The following BARX2 variants were observed in gnomAD, a reference collection of about 807,000 sequenced individuals.
BARX2 encodes the protein BARX homeobox 2, also known as homeobox protein BarH-like 2.
A neutral mutation model predicts 25.5 loss-of-function variants in BARX2; 11 were observed. The ratio of observed to expected loss-of-function variants is 0.43; its 90% CI spans 0.27 to 0.71. The LOEUF (loss-of-function observed/expected upper bound fraction) is 0.71. BARX2 is among the 30% of genes least tolerant of loss of function. The pLI is 0.19. For missense variants in BARX2, 360 were observed against 359.9 expected, an observed-to-expected ratio of 1.00 and a Z score of 0.00; for synonymous variants, 137 against 149.5, an observed-to-expected ratio of 0.92 and a Z score of 0.61.
At position 129,445,923 on chromosome 11, in the gene BARX2, T is replaced by C. The variant is rs117232272; in HGVS notation, c.573+3004T>C. 3.4e-3 allele frequency among the ~76,000 whole-genome samples: 515 copies of C among 152,160 alleles called. 3 individuals carry two copies. Among genetic ancestry groups the C allele is most frequent in the Non-Finnish European group, 6.0e-3 (405 of 68,000 alleles). ...ACCAGGGAGGAAAAGAAAAAGATAATTGAGTAATAAAGATGTCTCAAGGCT... is the reference window on the plus strand; with the variant it reads ...ACCAGGGAGGAAAAGAAAAAGATAACTGAGTAATAAAGATGTCTCAAGGCT... On this transcript the variant is annotated intron_variant, in intron 3 of 3. Transcript: ENST00000281437.
chr11:129,425,237 C>A (rs754492035), intron 1 of BARX2, among the ~76,000 whole-genome samples: 2 of 152,166 alleles, frequency 1.3e-5, no homozygotes, highest in Non-Finnish European at 2.9e-5. Flanking sequence ...AAGAAGTTTT[C>A]AATCTCGTGA....
intron 3 of BARX2, among the ~76,000 whole-genome samples, chr11:129,444,651 T>C (rs1862302816): frequency 6.6e-6 from 1 of 152,170 alleles, no homozygotes; most frequent in African/African-American, 2.4e-5. Flanking sequence ...TACGGATTTA[T>C]AAGCCCATCG....
intron 1 of BARX2, among the ~76,000 whole-genome samples, chr11:129,427,028 A>G (rs1862071167): frequency 6.6e-6 from 1 of 152,212 alleles, no homozygotes; most frequent in Non-Finnish European, 1.5e-5. Flanking sequence ...GAATGCACAG[A>G]TGATAAGAAG....
chr11:129,447,380 A>G (rs1449052447), intron 3 of BARX2, among the ~76,000 whole-genome samples: 1 of 152,200 alleles, frequency 6.6e-6, no homozygotes, highest in Non-Finnish European at 1.5e-5. Context: ...CGAGAGGCAG[A>G]AGGAGGCATG....
At chr11:129,407,989 A>C (rs560440745) in intron 1 of BARX2, among the ~76,000 whole-genome samples, 12 of 142,506 alleles carry the variant, frequency 8.4e-5, no homozygotes, top group South Asian at 4.9e-4. Flanking sequence ...ATCATGAGGT[A>C]AGGAGATTGA....
intron 1 of BARX2, among the ~76,000 whole-genome samples, chr11:129,418,455 C>T (rs917944569): frequency 1.3e-5 from 2 of 152,182 alleles, no homozygotes; most frequent in African/African-American, 2.4e-5. Flanking sequence ...TTCTTCCCAG[C>T]ACTGAAACTA....
At chr11:129,417,059 G>A (rs573782229) in intron 1 of BARX2, among the ~76,000 whole-genome samples, 46 of 151,678 alleles carry the variant, frequency 3.0e-4, no homozygotes, top group Non-Finnish European at 5.2e-4. Flanking sequence ...CCGCCACCAC[G>A]CCCGGCTAAT....
At position 129,451,364 on chromosome 11, in the gene BARX2, T is replaced by G; in HGVS notation, c.802T>G (p.Leu268Val). 1 of 1,613,660 alleles carries G rather than the reference T, an allele frequency of 6.2e-7. No individual in the cohort carries two copies. The highest frequency in any genetic ancestry group is 1.1e-5 in the South Asian group (1 of 91,054). The change falls in exon 4 of 4, where the codon TTG (leucine) becomes GTG (valine). Residue 268 changes from leucine to valine, a missense_variant. Physicochemically the swap from Leu to Val is conservative, Grantham distance 32 (BLOSUM62 1). This residue lies in a region of BARX2 where 114 missense variants were observed against 109.4 expected (regional missense o/e 1.04). Transcript: ENST00000281437. ...MAEPPDPPQE[L>V]PIPSSEPPPL... ...AGAGCCACCAGACCCGCCCCAGGAG[T>G]TGCCAATACCCTCTTCGGAACCCCC...
chr11:129,397,707 C>T (rs1212962056), intron 1 of BARX2, among the ~76,000 whole-genome samples: 7 of 152,182 alleles, frequency 4.6e-5, no homozygotes, highest in African/African-American at 1.2e-4. Context: ...TGAGTAAATA[C>T]GCAGTTACCA....
At chr11:129,450,543 CA>C (rs1170607153) in intron 3 of BARX2, among the ~76,000 whole-genome samples, 3 of 152,172 alleles carry the variant, frequency 2.0e-5, no homozygotes, top group Non-Finnish European at 4.4e-5. Flanking sequence ...TAATTCTACC[CA>C]ATTACATGGC....
chr11:129,446,161 C>T (rs539224511), intron 3 of BARX2, among the ~76,000 whole-genome samples: 8 of 152,214 alleles, frequency 5.3e-5, no homozygotes, highest in South Asian at 2.1e-4. Context: ...CTTTAGTTCC[C>T]GCAGGACCCA....
At position 129,436,678 on chromosome 11, in the gene BARX2, G is replaced by C. The variant is rs773060099; in HGVS notation, c.188-73G>C. 2 of 1,471,448 alleles carry C rather than the reference G, an allele frequency of 1.4e-6. No individual in the cohort carries two copies. The highest frequency in any genetic ancestry group is 1.8e-6 in the Non-Finnish European group (2 of 1,097,758). The allele number at this position is 1,471,448 out of a possible 1,614,324, so 91.1% of individuals were successfully genotyped here. A position where few individuals can be genotyped will look rare whatever the true frequency, so the allele number is the denominator to read the frequency against. Reference sequence around the variant, plus strand: ...CCCTGTCAGACAGACCTCAGCCAGCGGCCCTCCGCAGGTCCTGGCCTGCTT... The same window carrying C: ...CCCTGTCAGACAGACCTCAGCCAGCCGCCCTCCGCAGGTCCTGGCCTGCTT... On this transcript the variant is annotated intron_variant, in intron 1 of 3. Transcript: ENST00000281437. This position sits in a 1 kb window ranked among gnomAD's most constrained non-coding sequence, Gnocchi z 4.5.
chr11:129,375,453 C>T (rs1861489710), upstream of BARX2, among the ~76,000 whole-genome samples: 1 of 152,040 alleles, frequency 6.6e-6, no homozygotes, highest in Non-Finnish European at 1.5e-5. This position sits in a 1 kb window ranked among gnomAD's most constrained non-coding sequence, Gnocchi z 4.0. Flanking sequence ...CGGCGGGTGG[C>T]AGGACAGGCA....
intron 2 of BARX2, among the ~76,000 whole-genome samples, chr11:129,440,747 C>T (rs531793472): frequency 6.6e-6 from 1 of 152,128 alleles, no homozygotes; most frequent in Non-Finnish European, 1.5e-5. Flanking sequence ...CACCTGAGAT[C>T]ATCAGGGCCG....
chr11:129,443,111 A>G (rs913372492), intron 3 of BARX2, among the ~76,000 whole-genome samples, 192 bp downstream of exon 3: 5 of 151,834 alleles, frequency 3.3e-5, no homozygotes, highest in Non-Finnish European at 2.9e-5. Context: ...GTTCCTAAAC[A>G]GAGGGATATT....
chr11:129,380,718 G>A (rs1861554240), intron 1 of BARX2, among the ~76,000 whole-genome samples: 1 of 152,098 alleles, frequency 6.6e-6, no homozygotes, highest in Non-Finnish European at 1.5e-5. Context: ...CTCATCCAGG[G>A]TCAGTATATA....
intron 1 of BARX2, among the ~76,000 whole-genome samples, chr11:129,380,411 G>A (rs148702865): frequency 6.6e-6 from 1 of 152,216 alleles, no homozygotes; most frequent in East Asian, 1.9e-4. Context: ...ATAGTGTCTC[G>A]TTTGGGAGTT....
intron 1 of BARX2, among the ~76,000 whole-genome samples, chr11:129,418,885 A>G (rs565433493): frequency 2.6e-5 from 4 of 152,250 alleles, no homozygotes; most frequent in Admixed American, 2.6e-4. Context: ...TCCTCAAACA[A>G]CATCGTTTCA....
intron 3 of BARX2, among the ~76,000 whole-genome samples, chr11:129,443,709 G>A (rs888911302): frequency 3.3e-5 from 5 of 152,146 alleles, no homozygotes; most frequent in African/African-American, 1.2e-4. Flanking sequence ...TACGTTGTGA[G>A]GAACTCAATT....
Sources: allele counts gnomAD v4.1 joint callset (sites outside exome capture counted in the v4.1 genomes callset), GRCh38; gene constraint gnomAD v4.1.1; regional missense constraint gnomAD v4.1.1; non-coding constraint Gnocchi (gnomAD v3.1); transcripts MANE v1.5; gene names NCBI Gene and HGNC (gene_info 2026-07-23, HGNC 2026-07-21).